Variants in PDE1C observed in about 807,000 individuals in gnomAD.
The protein encoded by PDE1C is dual specificity calcium/calmodulin-dependent 3',5'-cyclic nucleotide phosphodiesterase 1C.
A neutral mutation model predicts 93.1 loss-of-function variants in PDE1C; 62 were observed. That is an observed-to-expected ratio of 0.67 (90% CI 0.54 to 0.82). PDE1C has a LOEUF of 0.82. Among genes scored for constraint, PDE1C ranks in the 40% least tolerant of loss-of-function variants. PDE1C has a pLI of 0.00. For missense variants in PDE1C, 742 were observed against 884.6 expected, an observed-to-expected ratio of 0.84 and a Z score of 2.04; for synonymous variants, 325 against 310.1, an observed-to-expected ratio of 1.05 and a Z score of -0.50.
intron 1 of PDE1C, among the ~76,000 whole-genome samples, chr7:32,395,095 T>G (rs1410310683): frequency 6.6e-6 from 1 of 152,180 alleles, no homozygotes; most frequent in African/African-American, 2.4e-5. Context: ...AACTGCGATA[T>G]GGAAAAGGTG....
intron 9 of PDE1C, among the ~76,000 whole-genome samples, chr7:31,838,587 GT>G (rs2128768331): frequency 6.6e-6 from 1 of 152,234 alleles, no homozygotes; most frequent in Admixed American, 6.5e-5. Context: ...AGTTCTACCA[GT>G]TTTGACAAAT....
At chr7:31,746,395 A>G (rs1370955351), downstream of PDE1C, among the ~76,000 whole-genome samples, 3 of 152,220 alleles carry the variant, frequency 2.0e-5, no homozygotes, top group African/African-American at 4.8e-5. Context: ...CAAGAGCTGC[A>G]GGAGAATATG....
At chr7:31,644,562 G>A in the PDE1C span, among the ~76,000 whole-genome samples, 8 of 152,238 alleles carry the variant, frequency 5.3e-5, no homozygotes, top group East Asian at 1.9e-4. Context: ...AGCTTCCCAC[G>A]TCAAATAGAG....
At chr7:31,703,699 T>C in the PDE1C span, among the ~76,000 whole-genome samples, 1 of 152,234 alleles carries the variant, frequency 6.6e-6, no homozygotes, top group Non-Finnish European at 1.5e-5. Flanking sequence ...TTGGTTCTAA[T>C]AAGGGTGTTG....
intron 2 of PDE1C, among the ~76,000 whole-genome samples, chr7:31,990,458 T>C (rs545186431): frequency 6.6e-6 from 1 of 152,266 alleles, no homozygotes; most frequent in South Asian, 2.1e-4. Flanking sequence ...TTACCCAGTT[T>C]TGGGTATGTC....
At chr7:31,952,861 T>G (rs1406779944) in intron 2 of PDE1C, among the ~76,000 whole-genome samples, 2 of 152,150 alleles carry the variant, frequency 1.3e-5, no homozygotes, top group Non-Finnish European at 2.9e-5. Flanking sequence ...GGTATCACCC[T>G]TAACAAGACA....
chr7:32,318,509 G>T (rs1031717624), intron 1 of PDE1C, among the ~76,000 whole-genome samples: 11 of 152,300 alleles, frequency 7.2e-5, no homozygotes, highest in Non-Finnish European at 1.2e-4. Flanking sequence ...TGCCCGCCAC[G>T]CACAGAAGGG....
rs542494143 is a variant in PDE1C at position 31,870,236 on chromosome 7, C to A, written c.609+3056G>T. On this transcript the variant is annotated intron_variant, in intron 6 of 17. Coordinates refer to ENST00000396191, the MANE Select transcript of PDE1C (RefSeq NM_001191057.4). ...AACCAAACTGAAATTAGTAAAAAAA[C>A]AAAATAATGAAGATCAGAGCAGAAT... 4.6e-5 allele frequency among the ~76,000 whole-genome samples: 7 copies of A among 151,234 alleles called. No homozygotes were observed. In the East Asian group the frequency reaches 5.8e-4, roughly 13 times the overall value.
the PDE1C span, among the ~76,000 whole-genome samples, chr7:31,731,491 A>G: frequency 3.9e-5 from 6 of 152,086 alleles, no homozygotes; most frequent in Non-Finnish European, 5.9e-5. Flanking sequence ...CCCCGGTTCA[A>G]ATGATTCTCC....
intron 2 of PDE1C, among the ~76,000 whole-genome samples, chr7:31,920,247 A>T (rs1312069133): frequency 6.6e-6 from 1 of 152,142 alleles, no homozygotes; most frequent in Non-Finnish European, 1.5e-5. Context: ...GACAGGAGTC[A>T]ATCCTAACCA....
intron 2 of PDE1C, among the ~76,000 whole-genome samples, chr7:32,037,669 A>G (rs563330564): frequency 6.6e-6 from 1 of 152,290 alleles, no homozygotes; most frequent in East Asian, 1.9e-4. Context: ...GAAATTCTCT[A>G]TGACTTTGTA....
Position 31,823,409 on chromosome 7 carries a change from G to A in PDE1C, c.1407-161C>T, listed in dbSNP as rs2072427. On this transcript the variant is annotated intron_variant, in intron 13 of 17. Coordinates refer to ENST00000396191, the MANE Select transcript of PDE1C (RefSeq NM_001191057.4). The stretch of plus-strand genomic sequence containing the variant: ...TTATTCTATTTTCCACATATGACCG[G>A]TGGGAAATTCTGAATTTTCAGCAGG... Among the ~76,000 whole-genome samples, 24,762 of 152,098 alleles carry A rather than the reference G, an allele frequency of 0.16. 2,294 individuals are homozygous for A. Among genetic ancestry groups the A allele is most frequent in the Middle Eastern group, 0.27 (78 of 294 alleles).
chr7:31,686,032 C>G, the PDE1C span, among the ~76,000 whole-genome samples: 17 of 152,208 alleles, frequency 1.1e-4, no homozygotes, highest in African/African-American at 3.9e-4. Context: ...AACACATTGC[C>G]AGTGGCAAGC....
rs193162052 is a variant in PDE1C at position 32,220,792 on chromosome 7, T to C, written c.86-11253A>G. On this transcript the variant is annotated intron_variant, in intron 1 of 18. Transcript: ENST00000396193. ...GCGATCGCACCACTGCACTCCAGCC[T>C]GGGCGACAGAGCGAGACTCCATCTC... Among the ~76,000 whole-genome samples the C allele has an allele frequency of 5.5e-3, 841 of 152,272 alleles. 5 individuals carry two copies. The highest frequency in any genetic ancestry group is 0.019 in the African/African-American group (806 of 41,550).
At chr7:31,652,778 C>A in the PDE1C span, 2 of 1,613,858 alleles carry the variant, frequency 1.2e-6, no homozygotes, top group African/African-American at 2.7e-5. Context: ...TAGGTCCAAC[C>A]CCTTTGTCAA....
At chr7:32,389,471 C>T (rs982176385) in intron 1 of PDE1C, among the ~76,000 whole-genome samples, 16 of 152,170 alleles carry the variant, frequency 1.1e-4, no homozygotes, top group Admixed American at 2.0e-4. Context: ...CCTGCCTTGG[C>T]CTCCCAAAGT....
chr7:32,202,108 C>A (rs1805054658), intron 2 of PDE1C, among the ~76,000 whole-genome samples: 2 of 152,192 alleles, frequency 1.3e-5, no homozygotes, highest in South Asian at 4.1e-4. Context: ...AGCCTCTTCA[C>A]CTAGATCTCA....
At chr7:31,889,756 CT>C (rs1798395357) in intron 2 of PDE1C, among the ~76,000 whole-genome samples, 2 of 152,176 alleles carry the variant, frequency 1.3e-5, no homozygotes, top group Non-Finnish European at 2.9e-5. Context: ...AAGAAGCCTT[CT>C]ATTCTTATGG....
chr7:32,009,663 A>G lies in PDE1C; in HGVS notation c.128+41891T>C, dbSNP rs117874406. On this transcript the variant is annotated intron_variant, in intron 2 of 17. Coordinates refer to ENST00000396191, the MANE Select transcript of PDE1C (RefSeq NM_001191057.4). Reference sequence around the variant, plus strand: ...TCTCCTCTTACTGCTAATATTCAACATTATTATGAAGGTTGCATCCAGTGC... The same window carrying G: ...TCTCCTCTTACTGCTAATATTCAACGTTATTATGAAGGTTGCATCCAGTGC... 3.4e-4 allele frequency among the ~76,000 whole-genome samples: 52 copies of G among 152,350 alleles called. 1 individual carries two copies. The East Asian group carries it at 9.5e-3, about 28-fold the overall frequency.
Sources: allele counts gnomAD v4.1 joint callset (sites outside exome capture counted in the v4.1 genomes callset), GRCh38; gene constraint gnomAD v4.1.1; transcripts MANE v1.5; gene names NCBI Gene and HGNC (gene_info 2026-07-23, HGNC 2026-07-21).